The following SNX25 variants were observed in gnomAD, a reference collection of about 807,000 sequenced individuals.
SNX25 encodes sorting nexin 25.
Under a neutral mutation model 113.7 loss-of-function variants are expected in SNX25, and 62 were observed. The observed-to-expected ratio is 0.55, with a 90% CI of 0.44 to 0.67. The LOEUF (loss-of-function observed/expected upper bound fraction) is 0.67. SNX25 is among the 30% of genes least tolerant of loss of function. The probability of loss-of-function intolerance (pLI) is 0.00; values close to 1 mark genes in which losing one functional copy is unlikely to be tolerated. For missense variants in SNX25, 1,014 were observed against 1,161.0 expected (o/e 0.87, Z 1.84); for synonymous variants, 421 against 436.2 (o/e 0.97, Z 0.43).
chr4:185,226,538 C>G (rs1210235692), intron 1 of SNX25, among the ~76,000 whole-genome samples: 1 of 152,174 alleles, frequency 6.6e-6, no homozygotes, highest in Non-Finnish European at 1.5e-5. Flanking sequence ...GTAGCCTTGA[C>G]CTCCTGGACT....
At chr4:185,241,801 T>G (rs1003112077) in intron 1 of SNX25, among the ~76,000 whole-genome samples, 6 of 152,254 alleles carry the variant, frequency 3.9e-5, no homozygotes, top group African/African-American at 1.4e-4. Context: ...AACAGGCATT[T>G]TAGGAAGATG....
chr4:185,352,288 T>C (rs1218578681), intron 14 of SNX25, among the ~76,000 whole-genome samples: 3 of 152,198 alleles, frequency 2.0e-5, no homozygotes, highest in Non-Finnish European at 4.4e-5. Context: ...AGCTCTGAAA[T>C]GTGGCTTCCC....
intron 6 of SNX25, among the ~76,000 whole-genome samples, chr4:185,309,083 C>T (rs563867316): frequency 1.3e-5 from 2 of 152,240 alleles, no homozygotes; most frequent in Admixed American, 6.5e-5. Context: ...TGGGGTGGGA[C>T]GGTTTACTTT....
At chr4:185,327,170 C>G (rs548199056) in intron 9 of SNX25, among the ~76,000 whole-genome samples, 9 of 152,106 alleles carry the variant, frequency 5.9e-5, no homozygotes, top group Non-Finnish European at 4.4e-5. Context: ...TTTTAGCAAC[C>G]TTTACTTTTG....
At chr4:185,325,487 C>T (rs560652731) in intron 9 of SNX25, among the ~76,000 whole-genome samples, 1 of 138,370 alleles carries the variant, frequency 7.2e-6, no homozygotes, top group South Asian at 2.3e-4. Flanking sequence ...GAGCCAAGAT[C>T]GTGCCACTGC....
chr4:185,319,446 G>T lies in SNX25; in HGVS notation c.1345-1287G>T, dbSNP rs186250853. On this transcript the variant is annotated intron_variant, in intron 7 of 18. Coordinates refer to ENST00000652585, the MANE Select transcript of SNX25 (RefSeq NM_001378034.2). ...ACTCCTGATCTCAGGTGATCTGCCCGCCTTGGCCTGCCACAGTGCTGGGAT... is the reference window on the plus strand; with the variant it reads ...ACTCCTGATCTCAGGTGATCTGCCCTCCTTGGCCTGCCACAGTGCTGGGAT... 4.5e-4 allele frequency among the ~76,000 whole-genome samples: 67 copies of T among 149,228 alleles called. 1 individual carries two copies. The East Asian group carries it at 0.013, about 29-fold the overall frequency.
intron 9 of SNX25, among the ~76,000 whole-genome samples, chr4:185,324,676 C>G (rs958646732): frequency 6.6e-6 from 1 of 152,036 alleles, no homozygotes; most frequent in African/African-American, 2.4e-5. Context: ...GGTTTATGGT[C>G]TTACTGACTT....
chr4:185,374,085 CA>C, downstream of SNX25: 1 of 1,468,762 alleles, frequency 6.8e-7, no homozygotes, highest in Non-Finnish European at 9.4e-7. Flanking sequence ...AGCAGTGAAA[CA>C]AATATTAATC....
At chr4:185,300,993 C>T (rs997966188) in intron 6 of SNX25, among the ~76,000 whole-genome samples, 1 of 152,124 alleles carries the variant, frequency 6.6e-6, no homozygotes, top group Non-Finnish European at 1.5e-5. Flanking sequence ...ATCTCCCTCT[C>T]TGACCTTTTC....
downstream of SNX25, among the ~76,000 whole-genome samples, chr4:185,375,069 A>G (rs536043911): frequency 3.9e-4 from 60 of 152,082 alleles, no homozygotes; most frequent in Middle Eastern, 3.4e-3. Flanking sequence ...CAAACCTTCA[A>G]ACATCACCCA....
chr4:185,375,610 T>TA, the SNX25 span: 1 of 1,536,514 alleles, frequency 6.5e-7, no homozygotes. Context: ...GACATTAACT[T>TA]ACAGCGTCTA....
chr4:185,224,606 T>C (rs1740677205), intron 1 of SNX25, among the ~76,000 whole-genome samples: 1 of 145,324 alleles, frequency 6.9e-6, no homozygotes. Context: ...AATATGTAAA[T>C]ATATAGATAT....
At chr4:185,245,604 G>A (rs1340483983) in intron 1 of SNX25, among the ~76,000 whole-genome samples, 3 of 152,088 alleles carry the variant, frequency 2.0e-5, no homozygotes, top group Non-Finnish European at 4.4e-5. Flanking sequence ...CTCCCAAAGT[G>A]CTAGGATTAT....
At chr4:185,339,970 A>G (rs1032707843) in intron 11 of SNX25, among the ~76,000 whole-genome samples, 8 of 152,154 alleles carry the variant, frequency 5.3e-5, no homozygotes, top group South Asian at 2.1e-4. Context: ...TTTGAGGGAT[A>G]TGAGATAAGA....
At position 185,232,045 on chromosome 4, in the gene SNX25, T is replaced by C. The variant is rs10019846; in HGVS notation, c.430-15249T>C. On this transcript the variant is annotated intron_variant, in intron 1 of 18. Coordinates refer to ENST00000652585, the MANE Select transcript of SNX25 (RefSeq NM_001378034.2). This position sits in a 1 kb window ranked among gnomAD's most constrained non-coding sequence, Gnocchi z 4.4. ...AGGTCCCAGTAAATCAAATTACCAA[T>C]GTAATTTTTTTCTAAGTATTTTATC... Among the ~76,000 whole-genome samples, 3,755 of 152,234 alleles carry C rather than the reference T, an allele frequency of 0.025. 151 individuals are homozygous for C. Among genetic ancestry groups the C allele is most frequent in the African/African-American group, 0.086 (3,559 of 41,538 alleles).
At chr4:185,314,806 C>T (rs1434260917) in intron 7 of SNX25, among the ~76,000 whole-genome samples, 17 of 145,428 alleles carry the variant, frequency 1.2e-4, no homozygotes, top group African/African-American at 4.1e-4. Context: ...TGCAGTGAGC[C>T]GAGATCACGC....
intron 6 of SNX25, among the ~76,000 whole-genome samples, chr4:185,297,929 C>T (rs1412035310): frequency 1.3e-5 from 2 of 152,168 alleles, no homozygotes; most frequent in South Asian, 2.1e-4. Flanking sequence ...TCTGTTCATA[C>T]AAGCCACAAA....
chr4:185,341,631 A>T (rs2095260359), intron 11 of SNX25, among the ~76,000 whole-genome samples: 1 of 152,138 alleles, frequency 6.6e-6, no homozygotes, highest in South Asian at 2.1e-4. Context: ...GCTTATTCAG[A>T]TTGTTGGCAG....
Position 185,339,625 on chromosome 4 carries a change from C to T in SNX25, c.2046+115C>T, listed in dbSNP as rs372452069. On this transcript the variant is annotated intron_variant, in intron 11 of 18. Coordinates refer to ENST00000652585, the MANE Select transcript of SNX25 (RefSeq NM_001378034.2). ...GAAAACTTACACTCATTCTTTTAGA[C>T]CATATTTGTCCTACCTTCCTTCCCC... 47 of 1,293,756 alleles carry T rather than the reference C, an allele frequency of 3.6e-5. No individual in the cohort carries two copies. The African/African-American group carries it at 5.7e-4, about 16-fold the overall frequency. The allele number at this position is 1,293,756 out of a possible 1,614,324, so 80.1% of individuals were successfully genotyped here. A position where few individuals can be genotyped will look rare whatever the true frequency, so the allele number is the denominator to read the frequency against.
Sources: gnomAD v4.1 joint callset for allele counts (sites outside exome capture counted in the v4.1 genomes callset) on GRCh38, gnomAD v4.1.1 for gene constraint, Gnocchi (gnomAD v3.1) non-coding constraint, MANE v1.5 for transcripts, NCBI Gene and HGNC (gene_info 2026-07-23, HGNC 2026-07-21) for gene names.